Variants in CCNJL observed in about 807,000 individuals in gnomAD.
CCNJL encodes the protein cyclin J like, also known as cyclin-J-like protein.
Under a neutral mutation model 33.4 loss-of-function variants are expected in CCNJL, and 33 were observed. The ratio of observed to expected loss-of-function variants is 0.99; its 90% confidence interval spans 0.75 to 1.32. CCNJL has a LOEUF of 1.32. Among genes scored for constraint, CCNJL ranks in the 40% most tolerant of loss-of-function variants. The pLI is 0.00. For missense variants in CCNJL, 512 were observed against 499.7 expected (o/e 1.02, Z -0.23); for synonymous variants, 227 against 220.9 (o/e 1.03, Z -0.24).
intron 2 of CCNJL, among the ~76,000 whole-genome samples, chr5:160,299,659 T>A (rs1389554647): frequency 1.3e-5 from 2 of 150,500 alleles, no homozygotes; most frequent in African/African-American, 2.4e-5. Flanking sequence ...ATGGGTAAAA[T>A]GACACACTGT....
At chr5:160,287,863 G>A (rs1473294384) in intron 2 of CCNJL, among the ~76,000 whole-genome samples, 1 of 152,156 alleles carries the variant, frequency 6.6e-6, no homozygotes, top group African/African-American at 2.4e-5. Context: ...GAGAGTGTGG[G>A]CAGCAGAAAG....
chr5:160,325,251 T>C (rs1169378128), intron 1 of CCNJL, among the ~76,000 whole-genome samples: 1 of 152,194 alleles, frequency 6.6e-6, no homozygotes, highest in Non-Finnish European at 1.5e-5. Context: ...CATTTTTGAT[T>C]GCTCCATGCC....
chr5:160,280,957 T>C (rs1762190609), intron 2 of CCNJL: 1 of 649,696 alleles, frequency 1.5e-6, no homozygotes, highest in East Asian at 2.8e-5. Flanking sequence ...ACCTAGAGGA[T>C]GACAGAGGAA....
At chr5:160,325,053 T>C (rs1329977192) in intron 1 of CCNJL, among the ~76,000 whole-genome samples, 2 of 152,190 alleles carry the variant, frequency 1.3e-5, no homozygotes, top group Non-Finnish European at 2.9e-5. Context: ...GCAAGTGACA[T>C]CTCTCAGATC....
At chr5:160,280,778 G>T in intron 2 of CCNJL, 40 bp from the exon 3 acceptor site, 1 of 1,370,922 alleles carries the variant, frequency 7.3e-7, no homozygotes, top group Non-Finnish European at 1.0e-6. Context: ...GGTCAGGGCT[G>T]CCTCCTGAGA....
intron 5 of CCNJL, chr5:160,254,150 C>T: frequency 2.1e-6 from 1 of 465,198 alleles, no homozygotes; most frequent in Non-Finnish European, 3.8e-6. Context: ...GAGGATGGCG[C>T]CTGCTTGTGC....
At chr5:160,321,373 G>A (rs1049837953) in intron 1 of CCNJL, among the ~76,000 whole-genome samples, 7 of 152,126 alleles carry the variant, frequency 4.6e-5, no homozygotes, top group South Asian at 2.1e-4. Context: ...CAAGCCTGCC[G>A]GGGGACCCTC....
chr5:160,334,375 C>T (rs956688232), intron 1 of CCNJL, among the ~76,000 whole-genome samples: 2 of 152,218 alleles, frequency 1.3e-5, no homozygotes, highest in Admixed American at 1.3e-4. Flanking sequence ...CCTGCGCAAC[C>T]AGAGGGCACA....
At chr5:160,270,803 G>A (rs1761806737) in intron 3 of CCNJL, among the ~76,000 whole-genome samples, 1 of 152,178 alleles carries the variant, frequency 6.6e-6, no homozygotes, top group Non-Finnish European at 1.5e-5. Flanking sequence ...CTCCTCAGAA[G>A]GCAAGACTCT....
chr5:160,280,912 G>C (rs1394179839), intron 2 of CCNJL, 174 bp from the exon 3 acceptor site: 2 of 699,532 alleles, frequency 2.9e-6, no homozygotes, highest in African/African-American at 3.5e-5. Flanking sequence ...TCTCCCATCT[G>C]CTTTCACTAA....
chr5:160,269,301 G>A (rs144350963), intron 3 of CCNJL, among the ~76,000 whole-genome samples: 140 of 152,334 alleles, frequency 9.2e-4, no homozygotes, highest in African/African-American at 3.3e-3. Context: ...CTGACTGAAA[G>A]CAGGGCCTGC....
chr5:160,329,351 T>C (rs1449421535), intron 1 of CCNJL, among the ~76,000 whole-genome samples: 1 of 105,580 alleles, frequency 9.5e-6, no homozygotes, highest in Non-Finnish European at 1.9e-5. Flanking sequence ...GGAAGTCTTC[T>C]TTTTTTTTTT....
intron 2 of CCNJL, among the ~76,000 whole-genome samples, chr5:160,290,342 T>A (rs756430269): frequency 5.9e-5 from 9 of 152,048 alleles, no homozygotes; most frequent in Non-Finnish European, 1.3e-4. Context: ...CTCAGCTTAC[T>A]GCAACCTCCG....
rs749845640 is a variant in CCNJL, at chr5:160,253,491, G to A, written c.1051C>T (p.Leu351Phe). 3.1e-6 allele frequency: 5 copies of A among 1,614,192 alleles called. No individual in the cohort carries two copies. Among genetic ancestry groups the A allele is most frequent in the South Asian group, 1.1e-5 (1 of 91,074 alleles). Residue 351 changes from leucine (L) to phenylalanine (F), a missense_variant, in exon 6 of 6, where the codon CTT becomes TTT. By Grantham distance (22) the Leu-to-Phe change is conservative. Transcript: ENST00000257536. ...DMCPVPVPAS[L>F]SMHMAIAAEP... ...GCTGCAATGGCCATATGCATGCTAAGGGATGCAGGGACGGGCACGGGACAC... is the reference window on the plus strand; with the variant it reads ...GCTGCAATGGCCATATGCATGCTAAAGGATGCAGGGACGGGCACGGGACAC...
chr5:160,261,313 G>A (rs899446679), intron 3 of CCNJL: 1 of 152,210 alleles, frequency 6.6e-6, no homozygotes, highest in Non-Finnish European at 1.5e-5. Context: ...CTGACACAGA[G>A]CTCTGGTCTT....
At chr5:160,321,078 C>A (rs1345750915) in intron 1 of CCNJL, among the ~76,000 whole-genome samples, 2 of 104,028 alleles carry the variant, frequency 1.9e-5, no homozygotes, top group African/African-American at 6.3e-5. Context: ...TTCTTTCTTT[C>A]TTTCTTTCTT....
At position 160,311,889 on chromosome 5, in the gene CCNJL, G is replaced by C. The variant is rs776269494; in HGVS notation, c.35C>G (p.Ala12Gly). 1 of 1,614,192 alleles carries C rather than the reference G, an allele frequency of 6.2e-7. No individual in the cohort carries two copies. Among genetic ancestry groups the C allele is most frequent in the Non-Finnish European group, 8.5e-7 (1 of 1,180,010 alleles). The change falls in exon 2 of 6, where the codon GCC (alanine) becomes GGC (glycine). Residue 12 changes from alanine to glycine, a missense_variant. Ala to Gly is a moderately conservative substitution (Grantham distance 60). Transcript: ENST00000257536. ...MDEPWWEGRVASDVHCTLREK... is the reference protein window; with the variant it reads ...MDEPWWEGRVGSDVHCTLREK... ...GCGCAGGGTGCAGTGGACGTCCGAG[G>C]CGACGCGCCCTTCCCACCACGGCTC...
At chr5:160,327,518 T>C (rs1184816334) in intron 1 of CCNJL, among the ~76,000 whole-genome samples, 7 of 152,214 alleles carry the variant, frequency 4.6e-5, no homozygotes, top group Non-Finnish European at 1.0e-4. Flanking sequence ...CCTTCTCCAA[T>C]GCAGCGATGT....
chr5:160,263,699 C>G (rs1374765109), intron 3 of CCNJL, among the ~76,000 whole-genome samples: 1 of 152,160 alleles, frequency 6.6e-6, no homozygotes, highest in Non-Finnish European at 1.5e-5. Context: ...CGAGACTGCT[C>G]CAGTTCAAGG....
Sources: allele counts gnomAD v4.1 joint callset (sites outside exome capture counted in the v4.1 genomes callset), GRCh38; gene constraint gnomAD v4.1.1; transcripts MANE v1.5; gene names NCBI Gene and HGNC (gene_info 2026-07-23, HGNC 2026-07-21).